The following OLAH variants were observed in gnomAD, a reference collection of about 807,000 sequenced individuals.
OLAH encodes the protein S-acyl fatty acid synthase thioesterase, medium chain.
OLAH carries 33 observed loss-of-function variants against 27.8 expected under a neutral mutation model. The ratio of observed to expected loss-of-function variants is 1.19; its 90% CI spans 0.90 to 1.59. The LOEUF is 1.59. OLAH is among the 40% of genes most tolerant of loss of function. The probability of loss-of-function intolerance (pLI) is 0.00; values close to 1 mark genes in which losing one functional copy is unlikely to be tolerated. For missense variants in OLAH, 359 were observed against 310.8 expected (o/e 1.16, Z -1.17); for synonymous variants, 120 against 102.9 (o/e 1.17, Z -1.01).
intron 1 of OLAH, among the ~76,000 whole-genome samples, chr10:15,035,496 T>C (rs1843827970): frequency 6.6e-6 from 1 of 152,072 alleles, no homozygotes; most frequent in South Asian, 2.1e-4. Flanking sequence ...AAGAGAAAGC[T>C]GGATGGGGAA....
chr10:15,048,446 C>T (rs1020506311), intron 2 of OLAH, among the ~76,000 whole-genome samples: 1 of 152,182 alleles, frequency 6.6e-6, no homozygotes, highest in African/African-American at 2.4e-5. Flanking sequence ...TCGAACTCCT[C>T]ACCTCTAGTG....
rs910824031 is a variant in OLAH at position 15,073,536 on chromosome 10, T to C, written c.*307T>C. ...TTAGCCGGGCGTGGTGGTGGGCACC[T>C]GTAGTCCCAGCTACTCGGGAGGCTG... On this transcript the variant is annotated 3_prime_UTR_variant, in exon 8 of 8. Coordinates refer to ENST00000378228, the MANE Select transcript of OLAH (RefSeq NM_001039702.3). 1.6e-4 allele frequency: 33 copies of C among 212,276 alleles called. No homozygotes were observed. Among genetic ancestry groups the C allele is most frequent in the African/African-American group, 6.9e-4 (29 of 42,096 alleles). 13.1% of individuals were successfully genotyped at this position (212,276 alleles called of 1,614,324 possible).
chr10:15,069,255 C>T (rs537471495), intron 6 of OLAH, among the ~76,000 whole-genome samples: 3 of 152,230 alleles, frequency 2.0e-5, no homozygotes, highest in Admixed American at 6.5e-5. Context: ...GATTCCTGCC[C>T]CTTCCTGCAA....
At chr10:15,071,159 AT>A (rs961753528) in intron 6 of OLAH, among the ~76,000 whole-genome samples, 1 of 151,802 alleles carries the variant, frequency 6.6e-6, no homozygotes, top group African/African-American at 2.4e-5. Context: ...TTCTCTATTC[AT>A]TCAGGCTTCA....
chr10:15,062,010 A>G (rs1844377665), intron 4 of OLAH, 148 bp downstream of exon 4: 4 of 726,754 alleles, frequency 5.5e-6, no homozygotes, highest in East Asian at 5.6e-5. Context: ...AACTTTTACA[A>G]TTCACCAGTT....
rs540266108 is a variant in OLAH, at chr10:15,070,709, A to G, written c.573-1086A>G. 2.6e-5 allele frequency among the ~76,000 whole-genome samples: 4 copies of G among 151,366 alleles called. No homozygotes were observed. In the South Asian group the frequency reaches 8.3e-4, roughly 32 times the overall value. ...TTGGTCAGGCTGGTCTTGAACTCCC[A>G]ACCTCAGGTGATCCACCCACCTCGG... On this transcript the variant is annotated intron_variant, in intron 6 of 7. Coordinates refer to ENST00000378228, the MANE Select transcript of OLAH (RefSeq NM_001039702.3).
intron 7 of OLAH, 72 bp downstream of exon 7, chr10:15,071,949 T>C: frequency 8.6e-7 from 1 of 1,161,596 alleles, no homozygotes; most frequent in Non-Finnish European, 1.3e-6. Flanking sequence ...TTTTTTTTCT[T>C]TTGAGACAGA....
chr10:15,059,957 T>C (rs565662544), intron 3 of OLAH, among the ~76,000 whole-genome samples: 4 of 152,334 alleles, frequency 2.6e-5, no homozygotes, highest in Non-Finnish European at 5.9e-5. Flanking sequence ...TTTATTCTGT[T>C]TGAGTTTCCT....
chr10:15,032,981 T>C (rs1843782393), intron 1 of OLAH, among the ~76,000 whole-genome samples: 1 of 152,110 alleles, frequency 6.6e-6, no homozygotes, highest in Admixed American at 6.6e-5. Flanking sequence ...CAAATGATTC[T>C]CATGCCTCAG....
chr10:15,041,311 T>A (rs551920225), upstream of OLAH, among the ~76,000 whole-genome samples: 8 of 151,786 alleles, frequency 5.3e-5, no homozygotes, highest in Non-Finnish European at 1.0e-4. Flanking sequence ...GAGTTTTCGC[T>A]CTTGTGGCCC....
intron 6 of OLAH, among the ~76,000 whole-genome samples, chr10:15,069,823 G>A (rs765466183): frequency 2.6e-5 from 4 of 152,008 alleles, no homozygotes; most frequent in Non-Finnish European, 5.9e-5. Context: ...CTGAAATCAC[G>A]CCATTGCACT....
intron 6 of OLAH, among the ~76,000 whole-genome samples, chr10:15,066,006 C>A (rs543851180): frequency 5.3e-5 from 8 of 152,176 alleles, no homozygotes; most frequent in African/African-American, 1.9e-4. Flanking sequence ...TTTGGGAGAC[C>A]AAGGCCAGTG....
chr10:15,049,100 CTTTTTTTTTT>C (rs752500462), intron 2 of OLAH, among the ~76,000 whole-genome samples: 1 of 55,348 alleles, frequency 1.8e-5, no homozygotes, highest in Non-Finnish European at 3.4e-5. Flanking sequence ...GAGACTATGT[CTTTTTTTTTT>C]TTTTTTTTTT....
chr10:15,040,137 T>C (rs1564525047), upstream of OLAH, among the ~76,000 whole-genome samples: 1 of 152,184 alleles, frequency 6.6e-6, no homozygotes, highest in Non-Finnish European at 1.5e-5. Flanking sequence ...GGGGCCTCTT[T>C]TTCCCCAGAA....
chr10:15,067,639 C>G (rs1170784379), intron 6 of OLAH, among the ~76,000 whole-genome samples: 1 of 152,164 alleles, frequency 6.6e-6, no homozygotes, highest in Non-Finnish European at 1.5e-5. Context: ...AGCCAAATTG[C>G]AGTAGTTACT....
At chr10:15,055,711 A>G (rs1242121004) in intron 3 of OLAH, among the ~76,000 whole-genome samples, 1 of 152,238 alleles carries the variant, frequency 6.6e-6, no homozygotes, top group Non-Finnish European at 1.5e-5. Flanking sequence ...TGTATACCAT[A>G]AACTTAACCG....
At chr10:15,064,914 C>T (rs1844438096) in intron 5 of OLAH, among the ~76,000 whole-genome samples, 1 of 152,196 alleles carries the variant, frequency 6.6e-6, no homozygotes, top group Non-Finnish European at 1.5e-5. Flanking sequence ...ACCTCAGCCT[C>T]CCAAAGTGCT....
intron 2 of OLAH, among the ~76,000 whole-genome samples, chr10:15,048,308 C>T (rs1844061902): frequency 1.3e-5 from 2 of 152,056 alleles, no homozygotes; most frequent in Admixed American, 1.3e-4. Context: ...ACCCCCCCCT[C>T]CTGGGTTCAA....
chr10:15,061,415 G>A (rs1024612511), intron 3 of OLAH, among the ~76,000 whole-genome samples: 1 of 151,920 alleles, frequency 6.6e-6, no homozygotes, highest in African/African-American at 2.4e-5. Flanking sequence ...TCCTGATATA[G>A]GTAACGGTTG....
Sources: gnomAD v4.1 joint callset for allele counts (sites outside exome capture counted in the v4.1 genomes callset) on GRCh38, gnomAD v4.1.1 for gene constraint, MANE v1.5 for transcripts, NCBI Gene and HGNC (gene_info 2026-07-23, HGNC 2026-07-21) for gene names.